The following CNTN5 variants were observed in gnomAD, a reference collection of about 807,000 sequenced individuals.
CNTN5 encodes the protein contactin-5.
A neutral mutation model predicts 129.1 loss-of-function variants in CNTN5; 77 were observed. The ratio of observed to expected loss-of-function variants is 0.60; its 90% CI spans 0.50 to 0.72. The LOEUF (loss-of-function observed/expected upper bound fraction) is 0.72. Ranked by LOEUF, CNTN5 falls within the 30% of genes least tolerant of loss-of-function variation. CNTN5 has a pLI of 0.00. For missense variants in CNTN5, 1,478 were observed against 1,328.8 expected (o/e 1.11, Z -1.75); for synonymous variants, 509 against 465.6 (o/e 1.09, Z -1.20).
At chr11:99,189,191 A>C (rs1311004677) in intron 1 of CNTN5, among the ~76,000 whole-genome samples, 1 of 151,674 alleles carries the variant, frequency 6.6e-6, no homozygotes, top group Non-Finnish European at 1.5e-5. Flanking sequence ...GAGTGGAGTG[A>C]ATAATATTCC....
intron 2 of CNTN5, among the ~76,000 whole-genome samples, chr11:99,549,784 A>G (rs1420149205): frequency 6.6e-6 from 1 of 152,102 alleles, no homozygotes; most frequent in African/African-American, 2.4e-5. Flanking sequence ...CCCTGTTCTA[A>G]TATCAGTCAC....
intron 21 of CNTN5, chr11:100,309,182 G>C: frequency 2.0e-5 from 20 of 984,980 alleles, no homozygotes; most frequent in Non-Finnish European, 2.4e-5. Context: ...AAAAGAATTA[G>C]CATCTGACCC....
chr11:99,245,678 C>A (rs1440323829), intron 1 of CNTN5, among the ~76,000 whole-genome samples: 1 of 152,126 alleles, frequency 6.6e-6, no homozygotes, highest in South Asian at 2.1e-4. Context: ...CAGCTTTACA[C>A]TACTCTGACT....
chr11:99,875,843 A>G (rs1377574), intron 6 of CNTN5, among the ~76,000 whole-genome samples: 94,645 of 151,978 alleles, frequency 0.62, 29,641 homozygotes, highest in Admixed American at 0.71. Flanking sequence ...CATAAGTGTT[A>G]AAAATATTGA....
chr11:99,361,735 A>T, intron 2 of CNTN5, among the ~76,000 whole-genome samples: 1 of 152,254 alleles, frequency 6.6e-6, no homozygotes, highest in South Asian at 2.1e-4. Flanking sequence ...AATCATACAC[A>T]CACTAGCTTT....
chr11:99,879,222 T>G (rs1234475486), intron 6 of CNTN5, among the ~76,000 whole-genome samples: 2 of 151,956 alleles, frequency 1.3e-5, no homozygotes, highest in Non-Finnish European at 2.9e-5. Flanking sequence ...ACAGGCGTGA[T>G]CCACCGTGCC....
chr11:100,125,110 T>C (rs1345370574), intron 13 of CNTN5, among the ~76,000 whole-genome samples: 1 of 152,062 alleles, frequency 6.6e-6, no homozygotes, highest in Non-Finnish European at 1.5e-5. Context: ...TTGAAGATGT[T>C]ATAGAAAATA....
At chr11:99,203,244 A>T (rs1303210669) in intron 1 of CNTN5, among the ~76,000 whole-genome samples, 2 of 152,168 alleles carry the variant, frequency 1.3e-5, no homozygotes, top group Non-Finnish European at 1.5e-5. Context: ...CTGCTTATGC[A>T]ATCATGTTGG....
intron 3 of CNTN5, among the ~76,000 whole-genome samples, chr11:99,808,653 T>A (rs541044893): frequency 6.6e-6 from 1 of 152,192 alleles, no homozygotes; most frequent in East Asian, 1.9e-4. Flanking sequence ...CCTAGGCAAC[T>A]TTTTCACGTG....
intron 2 of CNTN5, among the ~76,000 whole-genome samples, chr11:99,522,274 G>C (rs751024896): frequency 3.9e-5 from 6 of 152,038 alleles, no homozygotes; most frequent in Admixed American, 1.3e-4. Flanking sequence ...TACAACTGTT[G>C]TCATTATGGA....
intron 8 of CNTN5, among the ~76,000 whole-genome samples, chr11:99,982,434 C>A (rs1938405459): frequency 6.6e-6 from 1 of 151,954 alleles, no homozygotes; most frequent in African/African-American, 2.4e-5. Flanking sequence ...GCTGAATACA[C>A]CATGATAAAG....
At chr11:99,447,036 T>C (rs929339256) in intron 2 of CNTN5, among the ~76,000 whole-genome samples, 9 of 152,202 alleles carry the variant, frequency 5.9e-5, no homozygotes, top group African/African-American at 2.2e-4. Context: ...TCATAGTCTA[T>C]TTTCTGGGCT....
chr11:100,136,624 A>G (rs898252751), intron 13 of CNTN5, among the ~76,000 whole-genome samples: 1 of 152,028 alleles, frequency 6.6e-6, no homozygotes, highest in Admixed American at 6.6e-5. Context: ...TACTACCAGG[A>G]CAATATCACA....
At chr11:99,192,069 C>T (rs1471812325) in intron 1 of CNTN5, among the ~76,000 whole-genome samples, 1 of 150,788 alleles carries the variant, frequency 6.6e-6, no homozygotes, top group Non-Finnish European at 1.5e-5. Context: ...GAATAAAAAC[C>T]ACATGATCAT....
intron 3 of CNTN5, among the ~76,000 whole-genome samples, chr11:99,816,744 C>T (rs1242025886): frequency 6.6e-6 from 1 of 152,190 alleles, no homozygotes; most frequent in Non-Finnish European, 1.5e-5. Flanking sequence ...ACCAGTTTAA[C>T]ATGACATGCT....
At position 99,494,846 on chromosome 11, in the gene CNTN5, A is replaced by G. The variant is rs557425740; in HGVS notation, c.-70-61299A>G. Among the ~76,000 whole-genome samples the G allele has an allele frequency of 3.2e-4, 49 of 152,322 alleles. 1 individual carries two copies. The South Asian group carries it at 9.3e-3, about 29-fold the overall frequency. On this transcript the variant is annotated intron_variant, in intron 2 of 24. Transcript: ENST00000524871. Reference sequence around the variant, plus strand: ...TGACCTTAGGGAACTGGAGTTTTAAATGAAAGCCTACTTTTAAAAGTGATA... The same window carrying G: ...TGACCTTAGGGAACTGGAGTTTTAAGTGAAAGCCTACTTTTAAAAGTGATA...
intron 7 of CNTN5, among the ~76,000 whole-genome samples, chr11:99,944,197 A>C (rs989997300): frequency 6.6e-6 from 1 of 152,084 alleles, no homozygotes; most frequent in African/African-American, 2.4e-5. Flanking sequence ...GGAAATTTAT[A>C]GCACTAAATG....
chr11:99,907,970 T>C (rs773049800), intron 6 of CNTN5, among the ~76,000 whole-genome samples: 5 of 152,114 alleles, frequency 3.3e-5, no homozygotes, highest in Non-Finnish European at 5.9e-5. Context: ...TTCGAAATTA[T>C]AGGTAATATA....
intron 21 of CNTN5, among the ~76,000 whole-genome samples, chr11:100,338,108 G>A (rs896216174): frequency 4.6e-5 from 7 of 152,174 alleles, no homozygotes; most frequent in Admixed American, 1.3e-4. Context: ...TACAAAAGAC[G>A]AGGAAGAAAA....
Sources: gnomAD v4.1 joint callset for allele counts (sites outside exome capture counted in the v4.1 genomes callset) on GRCh38, gnomAD v4.1.1 for gene constraint, MANE v1.5 for transcripts, NCBI Gene and HGNC (gene_info 2026-07-23, HGNC 2026-07-21) for gene names.